Variants in GARIN2 observed in about 807,000 individuals in gnomAD.
GARIN2 encodes golgi associated RAB2 interactor family member 2, also known as Golgi-associated RAB2 interactor protein 2.
At chr14:67,192,842 CTATA>C in the GARIN2 span, among the ~76,000 whole-genome samples, 2 of 138,708 alleles carry the variant, frequency 1.4e-5, no homozygotes, top group Non-Finnish European at 3.1e-5. Context: ...ATATATATAT[CTATA>C]TATAGATATA....
chr14:67,213,857 C>G, the GARIN2 span, among the ~76,000 whole-genome samples: 4 of 152,220 alleles, frequency 2.6e-5, no homozygotes, highest in Admixed American at 2.6e-4. Flanking sequence ...GATTGCCATT[C>G]TAACTGGTGT....
chr14:67,213,800 A>G, the GARIN2 span, among the ~76,000 whole-genome samples: 8 of 152,070 alleles, frequency 5.3e-5, no homozygotes, highest in South Asian at 4.1e-4. Flanking sequence ...AAGTGTTCCT[A>G]TTTCTCCACA....
the GARIN2 span, among the ~76,000 whole-genome samples, chr14:67,194,406 A>T: frequency 6.6e-6 from 1 of 151,882 alleles, no homozygotes; most frequent in Non-Finnish European, 1.5e-5. Context: ...AATGTACTTT[A>T]CCATTGGTAA....
chr14:67,190,248 C>A, the GARIN2 span, among the ~76,000 whole-genome samples: 1 of 132,830 alleles, frequency 7.5e-6, no homozygotes, highest in Admixed American at 7.9e-5. Flanking sequence ...TTTTGAGACA[C>A]AGTTTCACTC....
At chr14:67,192,102 G>A in the GARIN2 span, among the ~76,000 whole-genome samples, 1 of 152,186 alleles carries the variant, frequency 6.6e-6, no homozygotes, top group Non-Finnish European at 1.5e-5. Flanking sequence ...CCCTCGCTCT[G>A]CAGCGCAGCA....
chr14:67,211,193 C>T, the GARIN2 span, among the ~76,000 whole-genome samples: 1 of 151,994 alleles, frequency 6.6e-6, no homozygotes, highest in Non-Finnish European at 1.5e-5. Context: ...ATATTAAAAC[C>T]CTCACAATAC....
chr14:67,214,103 C>T, the GARIN2 span, among the ~76,000 whole-genome samples: 1 of 152,186 alleles, frequency 6.6e-6, no homozygotes, highest in Admixed American at 6.5e-5. Flanking sequence ...AATGTCCTCC[C>T]ATTTTATAGG....
chr14:67,203,159 T>C, the GARIN2 span: 5 of 1,613,884 alleles, frequency 3.1e-6, no homozygotes, highest in South Asian at 3.3e-5. Context: ...TAGGCATCTG[T>C]TTTTCCAGCT....
the GARIN2 span, among the ~76,000 whole-genome samples, chr14:67,216,436 C>A: frequency 2.0e-5 from 3 of 151,918 alleles, no homozygotes. Flanking sequence ...ATTTCTTCTA[C>A]TAATTTTGAG....
At chr14:67,198,875 A>G in the GARIN2 span, 26 of 664,344 alleles carry the variant, frequency 3.9e-5, no homozygotes, top group Middle Eastern at 4.3e-3. Context: ...AAATGAGTTC[A>G]ATGATAGGGG....
At chr14:67,214,241 A>G in the GARIN2 span, among the ~76,000 whole-genome samples, 2 of 152,154 alleles carry the variant, frequency 1.3e-5, no homozygotes, top group Non-Finnish European at 2.9e-5. Context: ...GTCCTTGCCC[A>G]TGCCTATGTC....
the GARIN2 span, among the ~76,000 whole-genome samples, chr14:67,191,927 A>T: frequency 6.6e-6 from 1 of 152,266 alleles, no homozygotes; most frequent in Non-Finnish European, 1.5e-5. Context: ...AACCTAATGT[A>T]GCTGTCTGCT....
At chr14:67,208,915 G>A in the GARIN2 span, among the ~76,000 whole-genome samples, 773 of 138,188 alleles carry the variant, frequency 5.6e-3, 3 homozygotes, top group Non-Finnish European at 5.4e-3. Flanking sequence ...AAAAAGAAAA[G>A]AAAAAAAAAA....
At chr14:67,210,873 A>G in the GARIN2 span, among the ~76,000 whole-genome samples, 1 of 152,130 alleles carries the variant, frequency 6.6e-6, no homozygotes, top group East Asian at 1.9e-4. Context: ...ATGTGGTAGC[A>G]TGTGTCTGTA....
chr14:67,195,716 TGTG>T, the GARIN2 span, among the ~76,000 whole-genome samples: 7 of 6,748 alleles, frequency 1.0e-3, no homozygotes, highest in Non-Finnish European at 3.0e-3. Flanking sequence ...TTTTTGGTTG[TGTG>T]TGTGTGTGTG....
chr14:67,209,819 G>GAAA, the GARIN2 span, among the ~76,000 whole-genome samples: 210 of 76,916 alleles, frequency 2.7e-3, 4 homozygotes, highest in East Asian at 0.025. Flanking sequence ...CTCCATCTCG[G>GAAA]AAAAAAAAAA....
the GARIN2 span, among the ~76,000 whole-genome samples, chr14:67,212,621 T>C: frequency 4.1e-5 from 6 of 145,306 alleles, 1 homozygote; most frequent in East Asian, 1.2e-3. Context: ...ATATGTAATA[T>C]ATATTATATA....
At chr14:67,211,310 CA>C in the GARIN2 span, among the ~76,000 whole-genome samples, 155 of 151,662 alleles carry the variant, frequency 1.0e-3, 1 homozygote, top group Non-Finnish European at 2.1e-3. Flanking sequence ...GCAAACTGAA[CA>C]AAAAAAACCT....
chr14:67,210,273 G>A, the GARIN2 span, among the ~76,000 whole-genome samples: 1 of 152,126 alleles, frequency 6.6e-6, no homozygotes, highest in African/African-American at 2.4e-5. Context: ...ATTAGAAAAA[G>A]CCATGGGCAG....
Sources: gnomAD v4.1 joint callset for allele counts (sites outside exome capture counted in the v4.1 genomes callset) on GRCh38, gnomAD v4.1.1 for gene constraint, MANE v1.5 for transcripts, NCBI Gene and HGNC (gene_info 2026-07-23, HGNC 2026-07-21) for gene names.